IQGAP2: variants seen among roughly 807,000 people sequenced by gnomAD.
IQGAP2 encodes IQ motif containing GTPase activating protein 2.
Under a neutral mutation model 201.3 loss-of-function variants are expected in IQGAP2, and 173 were observed. The ratio of observed to expected loss-of-function variants is 0.86; its 90% CI spans 0.76 to 0.98. IQGAP2 has a LOEUF of 0.98. Ranked by LOEUF, IQGAP2 falls within the 50% of genes least tolerant of loss-of-function variation. The pLI, the probability that IQGAP2 is intolerant of heterozygous loss-of-function variation, is 0.00. For missense variants in IQGAP2, 1,687 were observed against 1,864.8 expected (o/e 0.90, Z 1.76); for synonymous variants, 675 against 673.9 (o/e 1.00, Z -0.03).
chr5:76,572,028 GC>G (rs1198686670), intron 4 of IQGAP2, among the ~76,000 whole-genome samples: 1 of 152,046 alleles, frequency 6.6e-6, no homozygotes, highest in African/African-American at 2.4e-5. Flanking sequence ...CCCTCCCCCA[GC>G]CCTGTTCCCT....
chr5:76,463,362 G>A (rs1741902157), intron 2 of IQGAP2, among the ~76,000 whole-genome samples: 1 of 152,060 alleles, frequency 6.6e-6, no homozygotes, highest in South Asian at 2.1e-4. Context: ...ACTTACACAA[G>A]CAGCTTGACC....
At chr5:76,603,979 AT>A (rs907398225) in intron 11 of IQGAP2, among the ~76,000 whole-genome samples, 137 of 152,216 alleles carry the variant, frequency 9.0e-4, no homozygotes, top group African/African-American at 1.8e-3. Context: ...TTTAAAAAAA[AT>A]TTTTTTTTAT....
chr5:76,429,981 G>A (rs1752275611), intron 1 of IQGAP2, among the ~76,000 whole-genome samples: 2 of 152,040 alleles, frequency 1.3e-5, no homozygotes, highest in African/African-American at 4.8e-5. Flanking sequence ...TCTGTAGCCT[G>A]TGGGTGGGGA....
At chr5:76,468,715 A>C (rs1487770081) in intron 2 of IQGAP2, among the ~76,000 whole-genome samples, 2 of 152,132 alleles carry the variant, frequency 1.3e-5, no homozygotes, top group African/African-American at 4.8e-5. Flanking sequence ...CAACCTCTTT[A>C]GTTTTACATT....
chr5:76,406,625 A>G (rs1005743465), intron 1 of IQGAP2, among the ~76,000 whole-genome samples: 2 of 152,380 alleles, frequency 1.3e-5, no homozygotes, highest in Admixed American at 1.3e-4. Context: ...TGTATCTGCC[A>G]AATTAATTCT....
intron 9 of IQGAP2, among the ~76,000 whole-genome samples, chr5:76,596,446 G>T (rs1433484477): frequency 6.6e-6 from 1 of 152,202 alleles, no homozygotes; most frequent in Non-Finnish European, 1.5e-5. Flanking sequence ...AAGCATCTCA[G>T]TTTGGTAACC....
chr5:76,514,103 A>G (rs1005281740), intron 2 of IQGAP2, among the ~76,000 whole-genome samples: 10 of 135,146 alleles, frequency 7.4e-5, no homozygotes, highest in African/African-American at 2.6e-4. Context: ...AGCTTACTGC[A>G]ACCTCTGCTT....
chr5:76,653,653 A>G (rs1274916122), intron 18 of IQGAP2, among the ~76,000 whole-genome samples: 4 of 152,240 alleles, frequency 2.6e-5, no homozygotes, highest in African/African-American at 9.6e-5. Flanking sequence ...GTGAAGACAG[A>G]GAATAATGTG....
At chr5:76,644,687 A>G (rs1751888422) in intron 17 of IQGAP2, among the ~76,000 whole-genome samples, 1 of 152,150 alleles carries the variant, frequency 6.6e-6, no homozygotes, top group Admixed American at 6.5e-5. Context: ...CTCTAATTAG[A>G]GAAGAGATTA....
At chr5:76,579,945 T>G (rs1312564458) in intron 5 of IQGAP2, among the ~76,000 whole-genome samples, 1 of 152,160 alleles carries the variant, frequency 6.6e-6, no homozygotes, top group Non-Finnish European at 1.5e-5. Context: ...GTCTTTATTC[T>G]TTCATGTAGT....
intron 1 of IQGAP2, among the ~76,000 whole-genome samples, chr5:76,455,314 A>G (rs1311100781): frequency 6.6e-6 from 1 of 151,910 alleles, no homozygotes; most frequent in Non-Finnish European, 1.5e-5. Flanking sequence ...TTAGCCTGGC[A>G]TGGTGGCGCA....
At chr5:76,462,710 G>A (rs1754535522) in intron 2 of IQGAP2, among the ~76,000 whole-genome samples, 1 of 152,158 alleles carries the variant, frequency 6.6e-6, no homozygotes. Flanking sequence ...TACAGAACTA[G>A]AATGATGAGG....
chr5:76,628,378 CTT>C (rs1352389829), intron 14 of IQGAP2, among the ~76,000 whole-genome samples: 2 of 152,190 alleles, frequency 1.3e-5, no homozygotes, highest in African/African-American at 2.4e-5. Flanking sequence ...TCCCTAAACT[CTT>C]TCTGTGGTTA....
At chr5:76,405,598 G>A (rs1750750633) in intron 1 of IQGAP2, among the ~76,000 whole-genome samples, 1 of 152,160 alleles carries the variant, frequency 6.6e-6, no homozygotes, top group Non-Finnish European at 1.5e-5. Flanking sequence ...TATTTTCAGT[G>A]TATTCAGAAC....
chr5:76,695,868 C>A (rs550677222), intron 32 of IQGAP2, among the ~76,000 whole-genome samples: 1 of 104,084 alleles, frequency 9.6e-6, no homozygotes, highest in South Asian at 3.0e-4. Flanking sequence ...TGAGTTGGAG[C>A]CTCGCTCTGT....
In IQGAP2 at chr5:76,444,209, G is replaced by C. The variant is rs755355344; in HGVS notation, c.47-17361G>C. Among the ~76,000 whole-genome samples the C allele has an allele frequency of 3.9e-5, 6 of 152,132 alleles. No homozygotes were observed. The South Asian group carries it at 8.3e-4, about 21-fold the overall frequency. ...AGGACCAGCCTGGGCAACATAGTGA[G>C]ACCCTGTCTCTATTTAAAATAAAGG... is the stretch of plus-strand genomic sequence containing the variant. On this transcript the variant is annotated intron_variant, in intron 1 of 35. Coordinates refer to ENST00000274364, the MANE Select transcript of IQGAP2 (RefSeq NM_006633.5).
At chr5:76,524,445 CAGTT>C (rs1048936390) in intron 2 of IQGAP2, among the ~76,000 whole-genome samples, 11 of 152,160 alleles carry the variant, frequency 7.2e-5, no homozygotes, top group African/African-American at 2.7e-4. Flanking sequence ...ATTTGAGAAT[CAGTT>C]AGTACCGATC....
chr5:76,489,653 A>G (rs1274990174), intron 2 of IQGAP2, among the ~76,000 whole-genome samples: 3 of 152,044 alleles, frequency 2.0e-5, no homozygotes, highest in Non-Finnish European at 2.9e-5. Context: ...TTTAGTAGAG[A>G]TGGGGTTTCA....
chr5:76,591,458 A>G lies in IQGAP2; in HGVS notation c.819+872A>G, dbSNP rs572049129. The stretch of plus-strand genomic sequence containing the variant: ...TATTGAAAAATTTGTCTACGCTGAG[A>G]GCTTCTACTTCCTCACCAGCTTGTC... On this transcript the variant is annotated intron_variant, in intron 8 of 35. Transcript: ENST00000274364. Among the ~76,000 whole-genome samples the G allele has an allele frequency of 7.9e-5, 12 of 152,300 alleles. No individual in the cohort carries two copies. The South Asian group carries it at 2.5e-3, about 32-fold the overall frequency.
Sources: allele counts gnomAD v4.1 joint callset (sites outside exome capture counted in the v4.1 genomes callset), GRCh38; gene constraint gnomAD v4.1.1; transcripts MANE v1.5; gene names NCBI Gene and HGNC (gene_info 2026-07-23, HGNC 2026-07-21).